The following MAGI1 variants were observed in gnomAD, a reference collection of about 807,000 sequenced individuals.
The protein encoded by MAGI1 is membrane-associated guanylate kinase, WW and PDZ domain-containing protein 1.
MAGI1 carries 58 observed loss-of-function variants against 139.9 expected under a neutral mutation model. The ratio of observed to expected loss-of-function variants is 0.41; its 90% CI spans 0.34 to 0.52. MAGI1 has a LOEUF of 0.52. MAGI1 is among the 20% of genes least tolerant of loss of function. The pLI is 0.12. For synonymous variants in MAGI1, 812 were observed against 737.9 expected, an observed-to-expected ratio of 1.10 and a Z score of -1.63; for missense variants, 1,874 against 1,901.6, an observed-to-expected ratio of 0.99 and a Z score of 0.27.
At chr3:65,921,753 T>C (rs769018198) in intron 1 of MAGI1, among the ~76,000 whole-genome samples, 38 of 152,254 alleles carry the variant, frequency 2.5e-4, no homozygotes, top group Middle Eastern at 3.4e-3. Flanking sequence ...ATCAAAATGA[T>C]TGACAATTGT....
At chr3:65,481,647 A>G (rs1951302129) in intron 3 of MAGI1, among the ~76,000 whole-genome samples, 1 of 152,236 alleles carries the variant, frequency 6.6e-6, no homozygotes, top group African/African-American at 2.4e-5. Flanking sequence ...TTTTATATGC[A>G]TAATTTCCTA....
chr3:65,509,002 G>C (rs956665595), intron 2 of MAGI1, among the ~76,000 whole-genome samples: 2 of 152,132 alleles, frequency 1.3e-5, no homozygotes, highest in South Asian at 2.1e-4. Context: ...CTGGTGATAC[G>C]ATGCATGATC....
intron 2 of MAGI1, among the ~76,000 whole-genome samples, chr3:65,598,627 C>T (rs550058485): frequency 2.6e-5 from 4 of 152,304 alleles, no homozygotes; most frequent in Admixed American, 1.3e-4. Flanking sequence ...AAGGAATTGA[C>T]ACTTCAAGAA....
At chr3:65,991,996 CAA>C (rs1197295887) in intron 1 of MAGI1, among the ~76,000 whole-genome samples, 1 of 151,936 alleles carries the variant, frequency 6.6e-6, no homozygotes, top group Non-Finnish European at 1.5e-5. Context: ...GCCTGGGTGA[CAA>C]GAGCAGAACT....
At chr3:65,879,063 C>T (rs775145543) in intron 1 of MAGI1, among the ~76,000 whole-genome samples, 2 of 152,186 alleles carry the variant, frequency 1.3e-5, no homozygotes, top group Admixed American at 6.5e-5. Flanking sequence ...CATCAATCCA[C>T]GTTTGAAAAA....
At chr3:65,829,706 T>C (rs1028879387) in intron 1 of MAGI1, among the ~76,000 whole-genome samples, 7 of 152,292 alleles carry the variant, frequency 4.6e-5, no homozygotes, top group South Asian at 2.1e-4. Flanking sequence ...AAAACCCCAT[T>C]TGCAACATCT....
chr3:65,718,473 C>T (rs572087982), intron 1 of MAGI1: 1 of 152,176 alleles, frequency 6.6e-6, no homozygotes, highest in Non-Finnish European at 1.5e-5. Flanking sequence ...TGTACCTTTG[C>T]TCTATCTTTT....
chr3:65,516,717 T>G (rs1257608788), intron 2 of MAGI1, among the ~76,000 whole-genome samples: 3 of 106,102 alleles, frequency 2.8e-5, no homozygotes, highest in Non-Finnish European at 5.7e-5. Flanking sequence ...ACATCCCACC[T>G]CTTTTTTTTT....
In MAGI1 at chr3:65,835,265, T is replaced by C. The variant is rs144445795; in HGVS notation, c.313+202731A>G. 1.6e-4 allele frequency among the ~76,000 whole-genome samples: 25 copies of C among 152,354 alleles called. No individual in the cohort carries two copies. The Middle Eastern group carries it at 0.01, about 62-fold the overall frequency. On this transcript the variant is annotated intron_variant, in intron 1 of 22. Transcript: ENST00000402939. ...GTGCCCCTCTGGTATAATATTTATTTTACTGTCAGGGACTAAGTACTATGT... is the reference window on the plus strand; with the variant it reads ...GTGCCCCTCTGGTATAATATTTATTCTACTGTCAGGGACTAAGTACTATGT...
chr3:65,403,569 G>C (rs1945081282), intron 12 of MAGI1, among the ~76,000 whole-genome samples: 1 of 152,078 alleles, frequency 6.6e-6, no homozygotes, highest in East Asian at 1.9e-4. Flanking sequence ...AATTCAGAGA[G>C]ACCTTCTTAG....
intron 18 of MAGI1, among the ~76,000 whole-genome samples, chr3:65,367,794 T>C (rs1222210666): frequency 6.6e-6 from 1 of 152,194 alleles, no homozygotes; most frequent in East Asian, 1.9e-4. Flanking sequence ...GTGTTGGTAT[T>C]GAGGAAATCA....
intron 2 of MAGI1, among the ~76,000 whole-genome samples, chr3:65,561,818 C>A (rs748139249): frequency 1.3e-5 from 2 of 152,092 alleles, no homozygotes; most frequent in Non-Finnish European, 2.9e-5. Context: ...GGCAGAAATA[C>A]GCAACTCAAC....
At chr3:65,561,491 G>T (rs2080343827) in intron 2 of MAGI1, among the ~76,000 whole-genome samples, 1 of 152,068 alleles carries the variant, frequency 6.6e-6, no homozygotes. Context: ...GAACTCAAAG[G>T]ATCCTGAAGT....
At chr3:65,732,457 G>C (rs1384483254) in intron 1 of MAGI1, among the ~76,000 whole-genome samples, 1 of 151,852 alleles carries the variant, frequency 6.6e-6, no homozygotes. Flanking sequence ...AACGGTTTCT[G>C]AATCATTTCA....
In MAGI1 at chr3:65,992,104, C is replaced by T. The variant is rs572972783; in HGVS notation, c.313+45892G>A. Among the ~76,000 whole-genome samples, 69 of 152,210 alleles carry T rather than the reference C, an allele frequency of 4.5e-4. 1 individual carries two copies. The South Asian group carries it at 0.014, about 31-fold the overall frequency. On this transcript the variant is annotated intron_variant, in intron 1 of 22. Transcript: ENST00000402939. ...TGATGGCATGGAAGGGTTTGGGTGCCAGAGAAAGTCGGAGTTTGGTCATGG... is the reference window on the plus strand; with the variant it reads ...TGATGGCATGGAAGGGTTTGGGTGCTAGAGAAAGTCGGAGTTTGGTCATGG...
intron 2 of MAGI1, among the ~76,000 whole-genome samples, chr3:65,561,685 A>G (rs1341165381): frequency 6.6e-6 from 1 of 152,212 alleles, no homozygotes; most frequent in Non-Finnish European, 1.5e-5. Flanking sequence ...ACTAAGACAT[A>G]CAGATGTGAT....
chr3:65,998,970 T>C (rs973278317), intron 1 of MAGI1, among the ~76,000 whole-genome samples: 1 of 152,026 alleles, frequency 6.6e-6, no homozygotes, highest in African/African-American at 2.4e-5. Context: ...TAGAATCACA[T>C]CTAAATGGGG....
intron 1 of MAGI1, among the ~76,000 whole-genome samples, chr3:65,778,708 ACTT>A (rs1208460102): frequency 6.6e-6 from 1 of 152,180 alleles, no homozygotes; most frequent in Non-Finnish European, 1.5e-5. Flanking sequence ...TTTCTGCCCA[ACTT>A]CTTAATATTT....
intron 1 of MAGI1, among the ~76,000 whole-genome samples, chr3:65,865,222 C>G (rs139561001): frequency 1.3e-5 from 2 of 151,958 alleles, no homozygotes; most frequent in East Asian, 3.9e-4. Context: ...TAATTTTCTC[C>G]TAGATTTTTA....
Sources: gnomAD v4.1 joint callset for allele counts (sites outside exome capture counted in the v4.1 genomes callset) on GRCh38, gnomAD v4.1.1 for gene constraint, MANE v1.5 for transcripts, NCBI Gene and HGNC (gene_info 2026-07-23, HGNC 2026-07-21) for gene names.